Variants in UNC5D observed in about 807,000 individuals in gnomAD.
The protein encoded by UNC5D is unc-5 netrin receptor D, also known as netrin receptor UNC5D.
A neutral mutation model predicts 105.4 loss-of-function variants in UNC5D; 39 were observed. The observed-to-expected ratio is 0.37, with a 90% CI of 0.29 to 0.48. The LOEUF (loss-of-function observed/expected upper bound fraction) is 0.48, where lower values mean the gene tolerates loss of function less well. Among genes scored for constraint, UNC5D ranks in the 20% least tolerant of loss-of-function variants. The pLI, the probability that UNC5D is intolerant of heterozygous loss-of-function variation, is 0.98. For missense variants in UNC5D, 991 were observed against 1,202.4 expected (o/e 0.82, Z 2.60); for synonymous variants, 452 against 450.4 (o/e 1.00, Z -0.04).
At chr8:35,644,816 A>C (rs1822949869) in intron 4 of UNC5D, among the ~76,000 whole-genome samples, 1 of 152,140 alleles carries the variant, frequency 6.6e-6, no homozygotes, top group South Asian at 2.1e-4. Context: ...AGACCACATG[A>C]AATCACTAAA....
chr8:35,616,986 G>A (rs753429155), intron 4 of UNC5D, among the ~76,000 whole-genome samples: 1 of 152,190 alleles, frequency 6.6e-6, no homozygotes, highest in Non-Finnish European at 1.5e-5. Context: ...CTGCAGATCT[G>A]TAATTCAGCA....
chr8:35,495,251 T>C (rs1385430618), intron 1 of UNC5D, among the ~76,000 whole-genome samples: 2 of 152,042 alleles, frequency 1.3e-5, no homozygotes, highest in African/African-American at 4.8e-5. Context: ...GGAAAGTATG[T>C]CAAAATATCT....
In UNC5D at chr8:35,630,701, G is replaced by A. The variant is rs562603040; in HGVS notation, c.570+35044G>A. Among the ~76,000 whole-genome samples the A allele has an allele frequency of 1.0e-3, 154 of 152,180 alleles. 2 individuals carry two copies. Among genetic ancestry groups the A allele is most frequent in the African/African-American group, 3.4e-3 (140 of 41,514 alleles). The stretch of plus-strand genomic sequence containing the variant: ...TTGCTCATCTAGTGATTCGTAAGGC[G>A]GGAAAAAGGCTGCTTAAATCTCCCC... On this transcript the variant is annotated intron_variant, in intron 4 of 16. Coordinates refer to ENST00000404895, the MANE Select transcript of UNC5D (RefSeq NM_080872.4).
At chr8:35,623,264 C>A (rs944302949) in intron 4 of UNC5D, among the ~76,000 whole-genome samples, 2 of 152,148 alleles carry the variant, frequency 1.3e-5, no homozygotes, top group Middle Eastern at 3.2e-3. Context: ...GTGTGTCAAG[C>A]TTTGAGTCAT....
At chr8:35,449,608 T>C (rs1808016625) in intron 1 of UNC5D, among the ~76,000 whole-genome samples, 1 of 152,168 alleles carries the variant, frequency 6.6e-6, no homozygotes, top group Non-Finnish European at 1.5e-5. Flanking sequence ...TTTTATATGC[T>C]TGGGAAATGG....
intron 1 of UNC5D, among the ~76,000 whole-genome samples, chr8:35,442,822 G>C (rs923578245): frequency 6.7e-6 from 1 of 148,972 alleles, no homozygotes; most frequent in African/African-American, 2.5e-5. Flanking sequence ...AATTACCTTG[G>C]GTTGGTTGTA....
intron 1 of UNC5D, among the ~76,000 whole-genome samples, chr8:35,365,181 A>C (rs1658611339): frequency 6.6e-6 from 1 of 152,142 alleles, no homozygotes; most frequent in Non-Finnish European, 1.5e-5. Flanking sequence ...CCGATTGCTC[A>C]TTCTTACCAT....
intron 15 of UNC5D, among the ~76,000 whole-genome samples, chr8:35,773,050 C>G (rs555049200): frequency 6.6e-6 from 1 of 152,254 alleles, no homozygotes; most frequent in East Asian, 1.9e-4. Flanking sequence ...CTGATTAGGT[C>G]AGGCCCACCC....
At chr8:35,633,326 CT>C (rs759063442) in intron 4 of UNC5D, among the ~76,000 whole-genome samples, 54 of 152,196 alleles carry the variant, frequency 3.5e-4, no homozygotes, top group Non-Finnish European at 7.5e-4. Context: ...TGTGTCTCAT[CT>C]TTTTCTGATT....
intron 1 of UNC5D, among the ~76,000 whole-genome samples, chr8:35,388,318 C>T (rs890321052): frequency 5.9e-5 from 9 of 152,070 alleles, no homozygotes; most frequent in Non-Finnish European, 1.3e-4. Context: ...GAGCCAAGAT[C>T]GCACTGTTGC....
At chr8:35,783,251 T>C (rs1464318447) in intron 16 of UNC5D, among the ~76,000 whole-genome samples, 1 of 152,186 alleles carries the variant, frequency 6.6e-6, no homozygotes, top group East Asian at 1.9e-4. Flanking sequence ...TTCCCTTCTA[T>C]TTGAAAGTGT....
Position 35,270,850 on chromosome 8 carries a change from C to G in UNC5D, c.103+34963C>G, listed in dbSNP as rs376199918. Among the ~76,000 whole-genome samples, 3 of 141,694 alleles carry G rather than the reference C, an allele frequency of 2.1e-5. No individual in the cohort carries two copies. The Admixed American group carries it at 2.3e-4, about 11-fold the overall frequency. 93.0% of individuals were successfully genotyped at this position (141,694 alleles called of 152,430 possible). A position where few individuals can be genotyped will look rare whatever the true frequency, so the allele number is the denominator to read the frequency against. ...TTCTTCCAGTTGCCAACTTATGTCA[C>G]TGTACTTGTGGCTGCAATAAAAAAA... On this transcript the variant is annotated intron_variant, in intron 1 of 16. Coordinates refer to ENST00000404895, the MANE Select transcript of UNC5D (RefSeq NM_080872.4).
chr8:35,359,975 C>A (rs966542583), intron 1 of UNC5D, among the ~76,000 whole-genome samples: 2 of 152,150 alleles, frequency 1.3e-5, no homozygotes, highest in Non-Finnish European at 2.9e-5. Context: ...TTTTTAAATT[C>A]TTCATTTTGA....
intron 1 of UNC5D, among the ~76,000 whole-genome samples, chr8:35,245,223 G>T (rs554901578): frequency 1.3e-5 from 2 of 152,122 alleles, no homozygotes; most frequent in African/African-American, 2.4e-5. Context: ...AATACAATTA[G>T]ACTTATAATA....
At chr8:35,288,358 T>G (rs886571058) in intron 1 of UNC5D, among the ~76,000 whole-genome samples, 1 of 152,012 alleles carries the variant, frequency 6.6e-6, no homozygotes, top group East Asian at 1.9e-4. Flanking sequence ...CTGGTAAAGC[T>G]GTTCTTCATA....
chr8:35,326,459 A>T (rs545058052), intron 1 of UNC5D, among the ~76,000 whole-genome samples: 117 of 152,366 alleles, frequency 7.7e-4, no homozygotes, highest in Non-Finnish European at 1.3e-3. Flanking sequence ...TTTTCAAGTG[A>T]AAAAGAAATA....
intron 4 of UNC5D, among the ~76,000 whole-genome samples, chr8:35,634,414 T>C (rs1014033231): frequency 1.3e-5 from 2 of 152,132 alleles, no homozygotes; most frequent in Non-Finnish European, 2.9e-5. Flanking sequence ...GCAAAACACA[T>C]CCCTACTAAT....
At chr8:35,780,786 G>T (rs371933869) in intron 16 of UNC5D, among the ~76,000 whole-genome samples, 1 of 152,272 alleles carries the variant, frequency 6.6e-6, no homozygotes, top group East Asian at 1.9e-4. Context: ...TAATGGGTGT[G>T]AGGCTGCCAT....
chr8:35,347,252 G>A lies in UNC5D; in HGVS notation c.103+111365G>A, dbSNP rs138713014. On this transcript the variant is annotated intron_variant, in intron 1 of 16. Transcript: ENST00000404895. ...GCTGGAACAGACTCTGGCTCCATGA[G>A]CCAATAATCTACCCAAGTGGTCAGT... 5.9e-5 allele frequency among the ~76,000 whole-genome samples: 9 copies of A among 152,108 alleles called. No homozygotes were observed. The East Asian group carries it at 1.7e-3, about 29-fold the overall frequency.
Sources: allele counts gnomAD v4.1 joint callset (sites outside exome capture counted in the v4.1 genomes callset), GRCh38; gene constraint gnomAD v4.1.1; transcripts MANE v1.5; gene names NCBI Gene and HGNC (gene_info 2026-07-23, HGNC 2026-07-21).